MTOR: variants seen among roughly 807,000 people sequenced by gnomAD.
MTOR encodes serine/threonine-protein kinase mTOR.
MTOR carries 70 observed loss-of-function variants against 319.8 expected under a neutral mutation model. The ratio of observed to expected loss-of-function variants is 0.22; its 90% CI spans 0.18 to 0.27. The LOEUF (loss-of-function observed/expected upper bound fraction) is 0.27, where lower values mean the gene tolerates loss of function less well. MTOR is among the 10% of genes least tolerant of loss of function. The pLI is 1.00. For missense variants in MTOR, 1,890 were observed against 3,274.4 expected (o/e 0.58, Z 10.32); for synonymous variants, 1,183 against 1,211.4 (o/e 0.98, Z 0.49).
intron 25 of MTOR, among the ~76,000 whole-genome samples, chr1:11,206,461 A>C (rs1230628504): frequency 6.6e-6 from 1 of 152,170 alleles, no homozygotes; most frequent in Non-Finnish European, 1.5e-5. Context: ...CTCACGGTCC[A>C]CATCTGTAAA....
Position 11,136,170 on chromosome 1 carries a change from G to A in MTOR, c.5131-1704C>T, listed in dbSNP as rs116007761. On this transcript the variant is annotated intron_variant, in intron 36 of 57. Transcript: ENST00000361445. ...ACAAACAAACAAAAAACATGTTAGT[G>A]ATGATGGCCTTGAAGAAAATGAAAC... Among the ~76,000 whole-genome samples the A allele has an allele frequency of 7.8e-3, 1,189 of 152,258 alleles. 21 individuals carry two copies. Among genetic ancestry groups the A allele is most frequent in the African/African-American group, 0.027 (1,105 of 41,558 alleles).
chr1:11,185,215 C>T (rs1176330467), intron 28 of MTOR, among the ~76,000 whole-genome samples: 1 of 151,500 alleles, frequency 6.6e-6, no homozygotes, highest in Admixed American at 6.6e-5. Context: ...TGGAGGCTAA[C>T]AGAGCTATAA....
intron 13 of MTOR, among the ~76,000 whole-genome samples, chr1:11,237,074 G>C (rs1647308013): frequency 1.3e-5 from 2 of 152,142 alleles, no homozygotes; most frequent in Admixed American, 1.3e-4. Context: ...TATAAAAAGT[G>C]TTTACTTCAA....
At chr1:11,260,077 A>G (rs1650920932) in intron 1 of MTOR, among the ~76,000 whole-genome samples, 1 of 152,234 alleles carries the variant, frequency 6.6e-6, no homozygotes, top group Non-Finnish European at 1.5e-5. Flanking sequence ...GCATATACTA[A>G]GTTCTTAATA....
intron 6 of MTOR, 63 bp from the exon 7 acceptor site, chr1:11,248,157 T>G: frequency 1.3e-6 from 2 of 1,485,086 alleles, no homozygotes; most frequent in Non-Finnish European, 1.8e-6. Context: ...CTGGGCACTG[T>G]GGATTCTACA....
intron 26 of MTOR, among the ~76,000 whole-genome samples, chr1:11,204,048 C>T (rs1646062343): frequency 6.6e-6 from 1 of 152,196 alleles, no homozygotes; most frequent in East Asian, 1.9e-4. Context: ...TCGAGAGTCA[C>T]CTGCACTTTG....
intron 28 of MTOR, among the ~76,000 whole-genome samples, chr1:11,186,622 A>G (rs1206706595): frequency 6.6e-6 from 1 of 152,226 alleles, no homozygotes; most frequent in African/African-American, 2.4e-5. Context: ...CTGCTCACTG[A>G]AAGGCAGAAG....
At chr1:11,169,180 A>G (rs898925367) in intron 28 of MTOR, among the ~76,000 whole-genome samples, 2 of 152,270 alleles carry the variant, frequency 1.3e-5, no homozygotes, top group African/African-American at 2.4e-5. Flanking sequence ...AATAAAACCA[A>G]AGGAAATTGC....
At position 11,150,171 on chromosome 1, in the gene MTOR, G is replaced by A. The variant is rs1405881546; in HGVS notation, c.4525C>T (p.Gln1509Ter). Residue 1509 changes from glutamine to a stop codon, truncating the protein, a stop_gained, in exon 31 of 58, where the codon CAA (glutamine) becomes TAA (stop). Transcript: ENST00000361445. LOFTEE classifies it high-confidence loss of function. ...EKWTLVNDET[Q>*]AKMARMAAAA... ...GCAGCCATCCGGGCCATCTTGGCTT[G>A]GGTCTCATCATTAACCAGGGTCCAC... 6.2e-7 allele frequency: 1 copy of A among 1,614,046 alleles called. No homozygotes were observed. Among genetic ancestry groups the A allele is most frequent in the Admixed American group, 1.7e-5 (1 of 60,022 alleles).
At chr1:11,204,336 T>C (rs1646071607) in intron 26 of MTOR, among the ~76,000 whole-genome samples, 1 of 152,212 alleles carries the variant, frequency 6.6e-6, no homozygotes, top group Non-Finnish European at 1.5e-5. Context: ...GTAATTAAAA[T>C]GTTAGACCTA....
chr1:11,234,319 A>G, intron 13 of MTOR, 54 bp from the exon 14 acceptor site: 1 of 1,544,638 alleles, frequency 6.5e-7, no homozygotes, highest in Non-Finnish European at 8.7e-7. Context: ...TTCTAGAGAG[A>G]GACTGTGTCC....
At chr1:11,205,855 C>G (rs561555130) in intron 25 of MTOR, among the ~76,000 whole-genome samples, 1 of 152,306 alleles carries the variant, frequency 6.6e-6, no homozygotes, top group East Asian at 1.9e-4. Flanking sequence ...TAAGACAGAG[C>G]AGAAGGTCTC....
rs754711973 is a variant in MTOR at position 11,248,047 on chromosome 1, G to C, written c.888C>G (p.His296Gln). 2 of 1,613,708 alleles carry C rather than the reference G, an allele frequency of 1.2e-6. No homozygotes were observed. ...CCATGAGATCTTTGCAGTACTTGTC[G>C]TGTACCAGCTGCTGCTGTGTGATTT... The part of the protein sequence containing the change: ...MEEITQQQLV[H>Q]DKYCKDLMGF... The change falls in exon 7 of 58, where the codon CAC (histidine) becomes CAG (glutamine). Residue 296 changes from histidine (H) to glutamine (Q), a missense_variant. His to Gln is a conservative substitution (Grantham distance 24, BLOSUM62 0). Around this residue, in one of 15 missense-constraint regions of MTOR, gnomAD observed 418 missense variants for 543.1 expected, o/e 0.77. Transcript: ENST00000361445.
At chr1:11,221,839 T>C (rs1300430204) in intron 19 of MTOR, among the ~76,000 whole-genome samples, 1 of 150,322 alleles carries the variant, frequency 6.7e-6, no homozygotes, top group South Asian at 2.1e-4. Context: ...GTAAAGTAAA[T>C]GACCAATATT....
chr1:11,231,089 T>A, intron 17 of MTOR, 35 bp from the exon 18 acceptor site: 1 of 1,613,944 alleles, frequency 6.2e-7, no homozygotes, highest in South Asian at 1.1e-5. Flanking sequence ...AAGAAAACAT[T>A]CATCACAACA....
chr1:11,118,892 G>A (rs1010618859), intron 49 of MTOR, among the ~76,000 whole-genome samples: 1 of 151,920 alleles, frequency 6.6e-6, no homozygotes, highest in Non-Finnish European at 1.5e-5. Context: ...CTCCCCAAGT[G>A]TTGGGATTAT....
At chr1:11,210,984 A>T (rs556610051) in intron 23 of MTOR, 78 bp from the exon 24 acceptor site, 48 of 823,710 alleles carry the variant, frequency 5.8e-5, no homozygotes, top group Admixed American at 3.8e-4. Context: ...ATATTATACA[A>T]CTACATTATG....
In MTOR at chr1:11,128,556, G is replaced by A. The variant is rs368335205; in HGVS notation, c.5812-4C>T. On this transcript the variant is annotated splice_polypyrimidine_tract_variant and splice_region_variant and intron_variant, in intron 41 of 57. Transcript: ENST00000361445. The surrounding 1 kb of genome is among the most constrained non-coding windows in gnomAD (Gnocchi z 5.3). ...TTGCAATGAGCTGAGGTATAACCTG[G>A]TATTCAAAAAGACACAGTATGTAGC... 1.9e-6 allele frequency: 3 copies of A among 1,613,432 alleles called. No homozygotes were observed. In the African/African-American group the frequency reaches 4.0e-5, roughly 22 times the overall value.
chr1:11,123,143 T>A (rs1367126161), intron 47 of MTOR, among the ~76,000 whole-genome samples: 2 of 152,218 alleles, frequency 1.3e-5, no homozygotes, highest in Non-Finnish European at 2.9e-5. Flanking sequence ...CCCTGCTGGA[T>A]TCTTTGGAGG....
Sources: gnomAD v4.1 joint callset for allele counts (sites outside exome capture counted in the v4.1 genomes callset) on GRCh38, gnomAD v4.1.1 for gene constraint, gnomAD v4.1.1 regional missense constraint, Gnocchi (gnomAD v3.1) non-coding constraint, MANE v1.5 for transcripts, NCBI Gene and HGNC (gene_info 2026-07-23, HGNC 2026-07-21) for gene names.